RALGAPA1: variants seen among roughly 807,000 people sequenced by gnomAD.
RALGAPA1 encodes Ral GTPase activating protein catalytic subunit alpha 1, also known as ral GTPase-activating protein subunit alpha-1.
RALGAPA1 carries 52 observed loss-of-function variants against 269.6 expected under a neutral mutation model. The observed-to-expected ratio is 0.19, with a 90% CI of 0.15 to 0.24. RALGAPA1 has a LOEUF of 0.24. Among genes scored for constraint, RALGAPA1 ranks in the 10% least tolerant of loss-of-function variants. The pLI is 1.00. For synonymous variants in RALGAPA1, 817 were observed against 1,008.3 expected, an observed-to-expected ratio of 0.81 and a Z score of 3.60; for missense variants, 1,917 against 3,013.9, an observed-to-expected ratio of 0.64 and a Z score of 8.52.
chr14:35,795,502 G>A (rs1000597116), intron 1 of RALGAPA1, among the ~76,000 whole-genome samples: 2 of 152,070 alleles, frequency 1.3e-5, no homozygotes, highest in Non-Finnish European at 2.9e-5. Flanking sequence ...CCAAAAGCTG[G>A]ACTATAAAAA....
chr14:35,577,447 A>G (rs1464906767), intron 37 of RALGAPA1, among the ~76,000 whole-genome samples: 1 of 152,172 alleles, frequency 6.6e-6, no homozygotes, highest in Non-Finnish European at 1.5e-5. Flanking sequence ...TAAGGTTACA[A>G]TGAGAAGATG....
intron 1 of RALGAPA1, among the ~76,000 whole-genome samples, chr14:35,783,668 ACC>A (rs1352478321): frequency 1.3e-5 from 2 of 152,190 alleles, no homozygotes; most frequent in African/African-American, 4.8e-5. Flanking sequence ...CAAATTATAT[ACC>A]TGATTTTAAA....
chr14:35,739,816 A>G (rs978698675), intron 11 of RALGAPA1, among the ~76,000 whole-genome samples: 3 of 152,086 alleles, frequency 2.0e-5, no homozygotes, highest in Admixed American at 1.3e-4. Context: ...CTGACCTACA[A>G]TCTATCCTCC....
At chr14:35,724,422 ATT>A (rs913004786) in intron 14 of RALGAPA1, among the ~76,000 whole-genome samples, 3 of 152,124 alleles carry the variant, frequency 2.0e-5, no homozygotes, top group Admixed American at 6.5e-5. Flanking sequence ...TCTTAAAAAA[ATT>A]TTTTGTTTTC....
chr14:35,769,607 A>G (rs2074467660), intron 4 of RALGAPA1, among the ~76,000 whole-genome samples: 1 of 152,274 alleles, frequency 6.6e-6, no homozygotes, highest in African/African-American at 2.4e-5. Context: ...ATTAAAGAAT[A>G]AATAAAAAGT....
intron 28 of RALGAPA1, among the ~76,000 whole-genome samples, chr14:35,658,001 G>C (rs2063309914): frequency 6.6e-6 from 1 of 152,106 alleles, no homozygotes; most frequent in Non-Finnish European, 1.5e-5. Context: ...ATGTTAGCTA[G>C]CTTGCCTACA....
At chr14:35,764,298 G>A (rs1377881412) in intron 4 of RALGAPA1, among the ~76,000 whole-genome samples, 1 of 151,820 alleles carries the variant, frequency 6.6e-6, no homozygotes, top group Non-Finnish European at 1.5e-5. Flanking sequence ...TGTTGCCAAG[G>A]CTGGTCTGGA....
intron 39 of RALGAPA1, among the ~76,000 whole-genome samples, chr14:35,563,509 C>T (rs1336841621): frequency 6.6e-6 from 1 of 151,950 alleles, no homozygotes; most frequent in East Asian, 1.9e-4. Flanking sequence ...GACAAAACTG[C>T]AGTGAGAAAC....
intron 37 of RALGAPA1, among the ~76,000 whole-genome samples, chr14:35,581,833 A>T (rs2057970806): frequency 6.6e-6 from 1 of 152,196 alleles, no homozygotes; most frequent in Non-Finnish European, 1.5e-5. Flanking sequence ...ACAATTTCTC[A>T]GAAAGCTACA....
chr14:35,569,543 C>A (rs945863582), intron 39 of RALGAPA1, among the ~76,000 whole-genome samples: 1 of 152,132 alleles, frequency 6.6e-6, no homozygotes, highest in African/African-American at 2.4e-5. Flanking sequence ...CCCAAGTCTA[C>A]ACAGCTAAGA....
intron 27 of RALGAPA1, among the ~76,000 whole-genome samples, chr14:35,659,914 T>C (rs571112642): frequency 6.6e-6 from 1 of 152,144 alleles, no homozygotes; most frequent in East Asian, 1.9e-4. Context: ...GTAGAATACA[T>C]AGCTCAAAGG....
Position 35,808,868 on chromosome 14 carries a change from A to T in RALGAPA1, c.-33T>A. On this transcript the variant is annotated 5_prime_UTR_variant, in exon 1 of 42. Coordinates refer to ENST00000680220, the MANE Select transcript of RALGAPA1 (RefSeq NM_001346249.2). ...CTGCCACTGCCACTGCCACTGCCAC[A>T]GCCGGCTCCCAGCCGGGTCCCGGCG... The T allele has an allele frequency of 3.1e-6, 5 of 1,595,528 alleles. No homozygotes were observed. Among genetic ancestry groups the T allele is most frequent in the Non-Finnish European group, 3.4e-6 (4 of 1,171,734 alleles).
intron 17 of RALGAPA1, among the ~76,000 whole-genome samples, chr14:35,691,777 C>T (rs1162031353): frequency 1.3e-5 from 2 of 152,122 alleles, no homozygotes; most frequent in East Asian, 3.8e-4. Flanking sequence ...TGCCAAGATT[C>T]TAGTATATTC....
chr14:35,605,118 T>C (rs2059517021), intron 36 of RALGAPA1, among the ~76,000 whole-genome samples: 1 of 152,104 alleles, frequency 6.6e-6, no homozygotes, highest in Non-Finnish European at 1.5e-5. Flanking sequence ...CAATGTAGGA[T>C]TTGGGATGGG....
At chr14:35,775,796 T>A in intron 1 of RALGAPA1, 51 bp from the exon 2 acceptor site, 2 of 1,431,814 alleles carry the variant, frequency 1.4e-6, no homozygotes, top group Non-Finnish European at 1.8e-6. Flanking sequence ...TTAAATCAAG[T>A]TTAGCAAATA....
At chr14:35,741,469 T>TAC (rs148995058) in intron 11 of RALGAPA1, among the ~76,000 whole-genome samples, 274 of 150,196 alleles carry the variant, frequency 1.8e-3, no homozygotes, top group East Asian at 0.017. Flanking sequence ...TATACACGTA[T>TAC]ACACACACAC....
intron 1 of RALGAPA1, among the ~76,000 whole-genome samples, chr14:35,776,385 GAA>G (rs35941793): frequency 6.1e-4 from 85 of 139,076 alleles, no homozygotes; most frequent in Non-Finnish European, 8.1e-4. Context: ...CCACCTTGGG[GAA>G]AAAAAAAAAA....
chr14:35,578,297 T>C (rs1043412469), intron 37 of RALGAPA1, among the ~76,000 whole-genome samples: 19 of 152,318 alleles, frequency 1.2e-4, no homozygotes, highest in Middle Eastern at 3.4e-3. Context: ...GCTCTTGAAC[T>C]AAAAGCTGAA....
At position 35,595,484 on chromosome 14, in the gene RALGAPA1, A is replaced by G. The variant is rs2058879122; in HGVS notation, c.7209+150T>C. 3.0e-6 allele frequency: 2 copies of G among 677,858 alleles called. 1 individual carries two copies. Among genetic ancestry groups the G allele is most frequent in the Admixed American group, 5.4e-5 (2 of 37,320 alleles). The allele number at this position is 677,858 out of a possible 1,614,324, so 42.0% of individuals were successfully genotyped here. ...TTAAAGAAAACATAGTTTGCTGTAC[A>G]ACCACCCTATTTTCAAGACAGCACT... On this transcript the variant is annotated intron_variant, in intron 37 of 41. Coordinates refer to ENST00000680220, the MANE Select transcript of RALGAPA1 (RefSeq NM_001346249.2).
Sources: allele counts gnomAD v4.1 joint callset (sites outside exome capture counted in the v4.1 genomes callset), GRCh38; gene constraint gnomAD v4.1.1; transcripts MANE v1.5; gene names NCBI Gene and HGNC (gene_info 2026-07-23, HGNC 2026-07-21).